TPO: variants seen among roughly 807,000 people sequenced by gnomAD.
TPO encodes thyroid peroxidase.
TPO carries 78 observed loss-of-function variants against 96.9 expected under a neutral mutation model. That is an observed-to-expected ratio of 0.81 (90% CI 0.67 to 0.97). The LOEUF is 0.97. Ranked by LOEUF, TPO falls within the 50% of genes least tolerant of loss-of-function variation. The pLI, the probability that TPO is intolerant of heterozygous loss-of-function variation, is 0.00. For missense variants in TPO, 1,252 were observed against 1,274.8 expected, an observed-to-expected ratio of 0.98 and a Z score of 0.27; for synonymous variants, 547 against 538.0, an observed-to-expected ratio of 1.02 and a Z score of -0.23.
At chr2:1,454,056 G>C (rs914242469) in intron 6 of TPO, among the ~76,000 whole-genome samples, 20 of 152,168 alleles carry the variant, frequency 1.3e-4, no homozygotes, top group African/African-American at 4.8e-4. Flanking sequence ...TTTAAATTAA[G>C]TTTTCTCAAC....
intron 7 of TPO, among the ~76,000 whole-genome samples, chr2:1,471,286 T>G (rs1304668489): frequency 6.6e-6 from 1 of 152,224 alleles, no homozygotes; most frequent in African/African-American, 2.4e-5. Context: ...TTCGAGCCCA[T>G]AAGTCTTTCC....
intron 15 of TPO, among the ~76,000 whole-genome samples, chr2:1,524,272 C>T (rs1195564149): frequency 6.8e-6 from 1 of 146,150 alleles, no homozygotes; most frequent in Non-Finnish European, 1.5e-5. Context: ...CCTCAAATCT[C>T]CTCACAGTGA....
rs1046935588 is a variant in TPO at position 1,542,605 on chromosome 2, G to T, written c.*131G>T. 3.9e-6 allele frequency: 6 copies of T among 1,555,282 alleles called. No individual in the cohort carries two copies. The Admixed American group carries it at 9.8e-5, about 25-fold the overall frequency. On this transcript the variant is annotated 3_prime_UTR_variant, in exon 17 of 17. Coordinates refer to ENST00000329066, the MANE Select transcript of TPO (RefSeq NM_001206744.2). ...CCAACACGGGTAAATCTAGTACCAT[G>T]TCGTAGTTACTCTCAGGCATGGATG...
chr2:1,480,744 G>GCTGCATCTGTCCACACCACCTCCCTCCTC (rs1670500485), intron 8 of TPO, among the ~76,000 whole-genome samples: 1 of 116,004 alleles, frequency 8.6e-6, no homozygotes, highest in African/African-American at 3.0e-5. Context: ...TGTTTCTCCT[G>GCTGCATCTGTCCACACCACCTCCCTCCTC]CTGCATCCGT....
intron 10 of TPO, among the ~76,000 whole-genome samples, chr2:1,491,695 T>C (rs568201036): frequency 6.6e-6 from 1 of 152,334 alleles, no homozygotes; most frequent in South Asian, 2.1e-4. Context: ...TGTCTACAGG[T>C]TACCTATTCC....
intron 14 of TPO, among the ~76,000 whole-genome samples, chr2:1,513,022 G>A (rs144755573): frequency 6.6e-6 from 1 of 152,358 alleles, no homozygotes; most frequent in African/African-American, 2.4e-5. Context: ...CTGCTCCCGT[G>A]CAAGCAGCCG....
chr2:1,430,086 G>A (rs939680503), intron 3 of TPO, among the ~76,000 whole-genome samples: 4 of 152,200 alleles, frequency 2.6e-5, no homozygotes, highest in Non-Finnish European at 4.4e-5. Flanking sequence ...CTCGAAGAAA[G>A]CATGGTATAA....
chr2:1,386,020 G>A (rs1383163276), intron 1 of TPO, among the ~76,000 whole-genome samples: 1 of 152,130 alleles, frequency 6.6e-6, no homozygotes, highest in Non-Finnish European at 1.5e-5. Context: ...TAGTTGAGTG[G>A]TTTTGAGTGA....
At chr2:1,516,157 G>A (rs913281210) in intron 14 of TPO, among the ~76,000 whole-genome samples, 3 of 152,152 alleles carry the variant, frequency 2.0e-5, no homozygotes, top group Non-Finnish European at 4.4e-5. Context: ...CACAGGTCCA[G>A]GTGGGAGGCA....
intron 7 of TPO, among the ~76,000 whole-genome samples, chr2:1,459,457 G>C (rs1002951040): frequency 6.6e-6 from 1 of 152,084 alleles, no homozygotes; most frequent in Admixed American, 6.6e-5. Flanking sequence ...GCCAACAAGG[G>C]ACATTTTCTA....
At chr2:1,508,356 T>C (rs1440422104) in intron 14 of TPO, among the ~76,000 whole-genome samples, 1 of 152,202 alleles carries the variant, frequency 6.6e-6, no homozygotes, top group African/African-American at 2.4e-5. Flanking sequence ...CTTTTTTGGT[T>C]GTGTCTCTGC....
intron 5 of TPO, among the ~76,000 whole-genome samples, chr2:1,452,175 ATTTAG>A (rs1388507084): frequency 6.6e-6 from 1 of 151,486 alleles, no homozygotes; most frequent in Non-Finnish European, 1.5e-5. Context: ...TTTCTTCAAG[ATTTAG>A]TTATTTTTTA....
intron 14 of TPO, among the ~76,000 whole-genome samples, chr2:1,516,085 A>C (rs1674672228): frequency 6.6e-6 from 1 of 152,162 alleles, no homozygotes; most frequent in Admixed American, 6.5e-5. Flanking sequence ...TGCAGAAAGC[A>C]CAGAAGCCAA....
intron 7 of TPO, among the ~76,000 whole-genome samples, chr2:1,476,030 C>G (rs1233742112): frequency 6.6e-6 from 1 of 152,236 alleles, no homozygotes; most frequent in African/African-American, 2.4e-5. Flanking sequence ...GAGCGGCCAA[C>G]CCCTGAGCGG....
upstream of TPO, among the ~76,000 whole-genome samples, chr2:1,410,001 G>A (rs2148388060): frequency 6.6e-6 from 1 of 151,996 alleles, no homozygotes; most frequent in East Asian, 2.0e-4. Context: ...CAGGTGCCGT[G>A]AGGGGCAGAA....
chr2:1,521,752 C>T (rs1675292119), intron 15 of TPO, among the ~76,000 whole-genome samples: 1 of 152,118 alleles, frequency 6.6e-6, no homozygotes, highest in South Asian at 2.1e-4. Flanking sequence ...GTCTGTGAGG[C>T]ACTCAGGCCC....
At position 1,542,554 on chromosome 2, in the gene TPO, C is replaced by G. The variant is rs768307585; in HGVS notation, c.*80C>G. 1 of 1,597,454 alleles carries G rather than the reference C, an allele frequency of 6.3e-7. No homozygotes were observed. The highest frequency in any genetic ancestry group is 1.1e-5 in the South Asian group (1 of 88,502). On this transcript the variant is annotated 3_prime_UTR_variant, in exon 17 of 17. Transcript: ENST00000329066. ...GACTCTTTTCCAAACACAGGCAAAT[C>G]CGAAATCAGCAGGACGACTGTTTTC... is the stretch of plus-strand genomic sequence containing the variant.
At chr2:1,461,150 G>T (rs189302705) in intron 7 of TPO, among the ~76,000 whole-genome samples, 1 of 152,172 alleles carries the variant, frequency 6.6e-6, no homozygotes, top group East Asian at 1.9e-4. Context: ...CACACACCGT[G>T]GGGGAGGTTG....
rs549681663 is a variant in TPO at position 1,457,664 on chromosome 2, T to C, written c.819+1382T>C. On this transcript the variant is annotated intron_variant, in intron 7 of 16. Transcript: ENST00000329066. ...ATGTATGATACTGTGGGCACATGCATATATAGCATATATGATAGTGTGTGG... is the reference window on the plus strand; with the variant it reads ...ATGTATGATACTGTGGGCACATGCACATATAGCATATATGATAGTGTGTGG... Among the ~76,000 whole-genome samples the C allele has an allele frequency of 2.0e-5, 3 of 152,018 alleles. No individual in the cohort carries two copies. The South Asian group carries it at 6.2e-4, about 32-fold the overall frequency.
Sources: gnomAD v4.1 joint callset for allele counts (sites outside exome capture counted in the v4.1 genomes callset) on GRCh38, gnomAD v4.1.1 for gene constraint, MANE v1.5 for transcripts, NCBI Gene and HGNC (gene_info 2026-07-23, HGNC 2026-07-21) for gene names.